OR2L13: variants seen among roughly 807,000 people sequenced by gnomAD.
OR2L13 encodes the protein olfactory receptor 2L13.
In OR2L13, 14 loss-of-function variants were observed where a neutral mutation model predicts 15.3. The ratio of observed to expected loss-of-function variants is 0.91; its 90% confidence interval spans 0.60 to 1.43. The LOEUF (loss-of-function observed/expected upper bound fraction) is 1.43. Ranked by LOEUF, OR2L13 falls within the 40% of genes most tolerant of loss-of-function variation. OR2L13 has a pLI of 0.00. For missense variants in OR2L13, 367 were observed against 387.9 expected (o/e 0.95, Z 0.45); for synonymous variants, 152 against 142.9 (o/e 1.06, Z -0.45).
the OR2L13 span, among the ~76,000 whole-genome samples, chr1:248,018,524 A>C: frequency 6.6e-6 from 1 of 152,194 alleles, no homozygotes; most frequent in South Asian, 2.1e-4. Context: ...ACAAATTACC[A>C]GAGGTCATAA....
At chr1:248,040,939 A>C in the OR2L13 span, 4 of 152,340 alleles carry the variant, frequency 2.6e-5, no homozygotes, top group South Asian at 8.3e-4. Context: ...AAGCATTTAG[A>C]GTTTACTAGA....
At chr1:247,991,531 G>T in the OR2L13 span, among the ~76,000 whole-genome samples, 9 of 149,166 alleles carry the variant, frequency 6.0e-5, no homozygotes, top group East Asian at 1.7e-3. Flanking sequence ...CCTATAAGAG[G>T]TTCTATACAG....
the OR2L13 span, among the ~76,000 whole-genome samples, chr1:247,963,416 A>G: frequency 6.6e-6 from 1 of 152,126 alleles, no homozygotes; most frequent in Non-Finnish European, 1.5e-5. Flanking sequence ...CATTGCCATG[A>G]TGGTTTTGGT....
At chr1:248,019,434 C>T in the OR2L13 span, among the ~76,000 whole-genome samples, 168 of 152,206 alleles carry the variant, frequency 1.1e-3, no homozygotes, top group African/African-American at 3.8e-3. Flanking sequence ...ATCGAGAAGC[C>T]TCTCAATCAT....
chr1:248,072,910 T>G, the OR2L13 span, among the ~76,000 whole-genome samples: 1 of 151,888 alleles, frequency 6.6e-6, no homozygotes, highest in East Asian at 1.9e-4. Flanking sequence ...GAAATGCAAA[T>G]CAAAACCACA....
chr1:248,022,222 C>T, the OR2L13 span: 1 of 1,614,178 alleles, frequency 6.2e-7, no homozygotes, highest in Non-Finnish European at 8.5e-7. Context: ...AAGTCTATCT[C>T]CTTCATTGGG....
chr1:248,045,527 C>T, the OR2L13 span, among the ~76,000 whole-genome samples: 2 of 152,162 alleles, frequency 1.3e-5, no homozygotes, highest in Non-Finnish European at 1.5e-5. Flanking sequence ...TTCTTATCTC[C>T]TCTTTCAGCG....
chr1:248,093,407 G>A (rs146230438), upstream of OR2L13, among the ~76,000 whole-genome samples: 3 of 152,220 alleles, frequency 2.0e-5, no homozygotes, highest in African/African-American at 4.8e-5. Context: ...TTACAGGGAC[G>A]GTAACAGGCT....
the OR2L13 span, among the ~76,000 whole-genome samples, chr1:247,969,648 G>A: frequency 6.6e-6 from 1 of 152,136 alleles, no homozygotes. Context: ...TTTTCTGCCA[G>A]GATTAAATAT....
chr1:248,009,879 T>C, the OR2L13 span, among the ~76,000 whole-genome samples: 1 of 152,124 alleles, frequency 6.6e-6, no homozygotes, highest in Non-Finnish European at 1.5e-5. Context: ...AATCAATAAA[T>C]GTAATGCATC....
chr1:248,013,021 T>C, the OR2L13 span, among the ~76,000 whole-genome samples: 1 of 151,804 alleles, frequency 6.6e-6, no homozygotes, highest in Non-Finnish European at 1.5e-5. Context: ...TTTTATTATC[T>C]ATTTTCATAA....
the OR2L13 span, among the ~76,000 whole-genome samples, chr1:248,027,626 T>C: frequency 6.6e-6 from 1 of 151,968 alleles, no homozygotes; most frequent in Non-Finnish European, 1.5e-5. Flanking sequence ...TTAGGGAAAA[T>C]AGAAAAGGAC....
the OR2L13 span, among the ~76,000 whole-genome samples, chr1:248,045,261 CTCT>C: frequency 6.6e-6 from 1 of 152,186 alleles, no homozygotes; most frequent in African/African-American, 2.4e-5. Context: ...TCATTCTAAT[CTCT>C]TCTTTCAGAA....
At chr1:247,994,856 A>C in the OR2L13 span, among the ~76,000 whole-genome samples, 6 of 152,246 alleles carry the variant, frequency 3.9e-5, no homozygotes, top group African/African-American at 1.4e-4. Flanking sequence ...TATCTTTAAT[A>C]AAATAAAACA....
chr1:248,005,491 G>A, the OR2L13 span, among the ~76,000 whole-genome samples: 2 of 152,020 alleles, frequency 1.3e-5, no homozygotes, highest in African/African-American at 4.8e-5. Context: ...TATGCCTCCA[G>A]GTTTGTTCTT....
the OR2L13 span, among the ~76,000 whole-genome samples, chr1:248,012,547 A>T: frequency 6.6e-6 from 1 of 152,198 alleles, no homozygotes; most frequent in Admixed American, 6.5e-5. Flanking sequence ...CTTCTAAGGA[A>T]GATATAAAAC....
the OR2L13 span, among the ~76,000 whole-genome samples, chr1:247,947,160 G>A: frequency 5.5e-4 from 84 of 152,138 alleles, no homozygotes; most frequent in Non-Finnish European, 1.0e-3. Flanking sequence ...TTAATGTTAC[G>A]TGTCACATCC....
the OR2L13 span, among the ~76,000 whole-genome samples, chr1:247,986,648 G>T: frequency 3.9e-5 from 6 of 152,178 alleles, no homozygotes; most frequent in Non-Finnish European, 7.3e-5. Flanking sequence ...ATTCTGTGAA[G>T]AAAGTCATTG....
chr1:248,009,783 C>T, the OR2L13 span, among the ~76,000 whole-genome samples: 863 of 152,216 alleles, frequency 5.7e-3, 13 homozygotes, highest in Middle Eastern at 0.024. Context: ...TACTGGCAAA[C>T]CAAATCCAAC....
Sources: gnomAD v4.1 joint callset for allele counts (sites outside exome capture counted in the v4.1 genomes callset) on GRCh38, gnomAD v4.1.1 for gene constraint, MANE v1.5 for transcripts, NCBI Gene and HGNC (gene_info 2026-07-23, HGNC 2026-07-21) for gene names.